Variants in RAB38 observed in about 807,000 individuals in gnomAD.
The protein encoded by RAB38 is ras-related protein Rab-38.
In RAB38, 15 loss-of-function variants were observed where a neutral mutation model predicts 18.4. The observed-to-expected ratio is 0.82, with a 90% CI of 0.55 to 1.26. The LOEUF (loss-of-function observed/expected upper bound fraction) is 1.26. RAB38 is among the 50% of genes most tolerant of loss of function. The pLI, the probability that RAB38 is intolerant of heterozygous loss-of-function variation, is 0.00. For synonymous variants in RAB38, 101 were observed against 104.4 expected (o/e 0.97, Z 0.20); for missense variants, 294 against 267.4 (o/e 1.10, Z -0.69).
the RAB38 span, among the ~76,000 whole-genome samples, chr11:87,830,242 G>T: frequency 7.2e-5 from 11 of 152,134 alleles, no homozygotes; most frequent in Admixed American, 1.3e-4. Flanking sequence ...GAACTTAGGA[G>T]GCTGAGGCAG....
At chr11:87,977,746 AT>A in the RAB38 span, among the ~76,000 whole-genome samples, 1 of 12,570 alleles carries the variant, frequency 8.0e-5, no homozygotes, top group Non-Finnish European at 1.2e-4. Flanking sequence ...TATATATTCT[AT>A]AATATATATA....
At chr11:87,933,070 A>G in the RAB38 span, among the ~76,000 whole-genome samples, 1 of 152,230 alleles carries the variant, frequency 6.6e-6, no homozygotes, top group African/African-American at 2.4e-5. Context: ...ATGGAGGTTC[A>G]TCTTAGAACA....
chr11:87,946,623 A>G, the RAB38 span, among the ~76,000 whole-genome samples: 2 of 151,762 alleles, frequency 1.3e-5, no homozygotes, highest in East Asian at 1.9e-4. Flanking sequence ...TCCCAGGTAT[A>G]AGTGAGAACA....
chr11:88,033,660 T>C, the RAB38 span, among the ~76,000 whole-genome samples: 2 of 151,912 alleles, frequency 1.3e-5, no homozygotes, highest in South Asian at 4.1e-4. Flanking sequence ...TTTATTATGT[T>C]AAGTTTGTGT....
chr11:87,854,804 T>C, the RAB38 span, among the ~76,000 whole-genome samples: 1 of 152,154 alleles, frequency 6.6e-6, no homozygotes, highest in Non-Finnish European at 1.5e-5. Context: ...TGATTCCTTT[T>C]TCTTTTTTGA....
intron 2 of RAB38, among the ~76,000 whole-genome samples, chr11:88,117,157 T>C (rs1343526545): frequency 6.6e-6 from 1 of 152,200 alleles, no homozygotes; most frequent in Admixed American, 6.5e-5. Context: ...AGACTACATG[T>C]ACAAAGAGTA....
the RAB38 span, among the ~76,000 whole-genome samples, chr11:88,039,098 A>C: frequency 2.0e-5 from 3 of 152,204 alleles, no homozygotes; most frequent in Non-Finnish European, 4.4e-5. Flanking sequence ...CTGAACCTTT[A>C]AAGAGGAGTA....
the RAB38 span, among the ~76,000 whole-genome samples, chr11:87,858,926 CA>C: frequency 0.013 from 1,819 of 144,002 alleles, 38 homozygotes; most frequent in African/African-American, 0.042. Flanking sequence ...CACCTGAGTC[CA>C]AAAAACAAAA....
At chr11:87,973,124 C>A in the RAB38 span, among the ~76,000 whole-genome samples, 4 of 151,830 alleles carry the variant, frequency 2.6e-5, no homozygotes, top group East Asian at 7.7e-4. Flanking sequence ...TATAAATTAC[C>A]CAGTCTCAGG....
chr11:88,059,060 T>A, the RAB38 span, among the ~76,000 whole-genome samples: 1,058 of 152,342 alleles, frequency 6.9e-3, 5 homozygotes, highest in Non-Finnish European at 0.012. Context: ...TGACCTTAAC[T>A]ACTATTAATT....
chr11:88,163,250 T>G (rs1460905150), intron 1 of RAB38, among the ~76,000 whole-genome samples: 1 of 152,146 alleles, frequency 6.6e-6, no homozygotes, highest in Non-Finnish European at 1.5e-5. Context: ...CACAATGCAC[T>G]TCCAGAATAG....
chr11:88,144,356 C>G (rs1401795018), intron 2 of RAB38, among the ~76,000 whole-genome samples: 3 of 152,210 alleles, frequency 2.0e-5, no homozygotes, highest in Non-Finnish European at 1.5e-5. Flanking sequence ...TCTAGGTCAT[C>G]TGCCTGTGCC....
the RAB38 span, among the ~76,000 whole-genome samples, chr11:87,829,782 A>G: frequency 6.6e-6 from 1 of 152,210 alleles, no homozygotes; most frequent in Non-Finnish European, 1.5e-5. Context: ...AACTCTCAGC[A>G]GTGTGGATAG....
At chr11:87,859,148 TAAAAG>T in the RAB38 span, among the ~76,000 whole-genome samples, 1 of 151,788 alleles carries the variant, frequency 6.6e-6, no homozygotes, top group African/African-American at 2.4e-5. Context: ...CTAAATGTTT[TAAAAG>T]AAAATAGTAA....
At chr11:87,928,423 T>C in the RAB38 span, among the ~76,000 whole-genome samples, 1 of 152,044 alleles carries the variant, frequency 6.6e-6, no homozygotes, top group African/African-American at 2.4e-5. Context: ...ATACCTCTTA[T>C]AACAAGATGA....
chr11:87,816,442 G>A, the RAB38 span: 2 of 152,186 alleles, frequency 1.3e-5, no homozygotes, highest in Admixed American at 6.6e-5. Flanking sequence ...TGGCTATTAA[G>A]GAATATCCTG....
At chr11:88,038,170 C>T in the RAB38 span, among the ~76,000 whole-genome samples, 1 of 152,100 alleles carries the variant, frequency 6.6e-6, no homozygotes, top group African/African-American at 2.4e-5. Flanking sequence ...AAGATATTTC[C>T]CTGCAAAAAC....
At chr11:87,836,080 A>G in the RAB38 span, among the ~76,000 whole-genome samples, 1 of 152,180 alleles carries the variant, frequency 6.6e-6, no homozygotes, top group Admixed American at 6.5e-5. Flanking sequence ...TTTCTAGAAT[A>G]ATGCAATTTC....
the RAB38 span, among the ~76,000 whole-genome samples, chr11:88,066,024 G>C: frequency 1.6e-3 from 241 of 152,314 alleles, 1 homozygote; most frequent in Non-Finnish European, 2.8e-3. Context: ...ACTCTGCAAA[G>C]GCACTGCAGA....
Sources: gnomAD v4.1 joint callset for allele counts (sites outside exome capture counted in the v4.1 genomes callset) on GRCh38, gnomAD v4.1.1 for gene constraint, MANE v1.5 for transcripts, NCBI Gene and HGNC (gene_info 2026-07-23, HGNC 2026-07-21) for gene names.